FLT1: variants seen among roughly 807,000 people sequenced by gnomAD.
The protein encoded by FLT1 is fms related receptor tyrosine kinase 1, also known as vascular endothelial growth factor receptor 1.
A neutral mutation model predicts 156.3 loss-of-function variants in FLT1; 49 were observed. That is an observed-to-expected ratio of 0.31 (90% CI 0.25 to 0.40). FLT1 has a LOEUF of 0.40. Ranked by LOEUF, FLT1 falls within the 10% of genes least tolerant of loss-of-function variation. The pLI, the probability that FLT1 is intolerant of heterozygous loss-of-function variation, is 1.00. For synonymous variants in FLT1, 594 were observed against 583.8 expected (o/e 1.02, Z -0.25); for missense variants, 1,322 against 1,637.2 (o/e 0.81, Z 3.32).
intron 20 of FLT1, among the ~76,000 whole-genome samples, 175 bp from the exon 21 acceptor site, chr13:28,323,121 T>G (rs1459476652): frequency 6.6e-6 from 1 of 152,074 alleles, no homozygotes; most frequent in Admixed American, 6.6e-5. Flanking sequence ...CCTCTGGAGT[T>G]GCAGAGTCTA....
intron 15 of FLT1, among the ~76,000 whole-genome samples, chr13:28,348,025 C>T (rs1025686363): frequency 6.6e-6 from 1 of 152,178 alleles, no homozygotes; most frequent in Non-Finnish European, 1.5e-5. Flanking sequence ...TTCCTATTGG[C>T]CATAGTCCCC....
At chr13:28,463,485 T>A (rs1360361927) in intron 3 of FLT1, among the ~76,000 whole-genome samples, 1 of 152,196 alleles carries the variant, frequency 6.6e-6, no homozygotes, top group Admixed American at 6.5e-5. Flanking sequence ...TTTCAAAAGA[T>A]GTGTTTACAT....
At chr13:28,386,892 G>T in intron 13 of FLT1, 1 of 1,046,922 alleles carries the variant, frequency 9.6e-7, no homozygotes, top group African/African-American at 1.7e-5. Flanking sequence ...AGCTTCCTCA[G>T]CACACTATTT....
intron 20 of FLT1, among the ~76,000 whole-genome samples, chr13:28,324,124 C>T (rs1871584241): frequency 6.6e-6 from 1 of 152,070 alleles, no homozygotes; most frequent in African/African-American, 2.4e-5. Context: ...CATGGGAAAC[C>T]AGAAAAGATT....
intron 9 of FLT1, 44 bp from the exon 10 acceptor site, chr13:28,427,362 T>C: frequency 1.3e-6 from 2 of 1,590,646 alleles, no homozygotes; most frequent in Non-Finnish European, 1.7e-6. Context: ...AGAGCAGTTC[T>C]AATGACTTTC....
intron 15 of FLT1, among the ~76,000 whole-genome samples, chr13:28,355,170 G>A (rs567784994): frequency 6.6e-6 from 1 of 152,314 alleles, no homozygotes; most frequent in East Asian, 1.9e-4. Context: ...ATATTCTGAG[G>A]TATACGTGGA....
At chr13:28,309,473 T>A (rs1566278499) in intron 27 of FLT1, among the ~76,000 whole-genome samples, 1 of 152,148 alleles carries the variant, frequency 6.6e-6, no homozygotes, top group Non-Finnish European at 1.5e-5. Flanking sequence ...TTGTTGATGA[T>A]GTATTAGGAA....
At chr13:28,458,379 T>C (rs935210077) in intron 3 of FLT1, among the ~76,000 whole-genome samples, 1 of 152,244 alleles carries the variant, frequency 6.6e-6, no homozygotes, top group African/African-American at 2.4e-5. Flanking sequence ...GCGTCGTTGC[T>C]AGTAAGTCTT....
At chr13:28,453,375 G>A (rs377018978) in intron 3 of FLT1, among the ~76,000 whole-genome samples, 15 of 151,970 alleles carry the variant, frequency 9.9e-5, no homozygotes, top group African/African-American at 3.4e-4. Context: ...TACCTGCCTC[G>A]GCCTCCCCAA....
In FLT1 at chr13:28,427,909, C is replaced by G. The variant is rs2137540659; in HGVS notation, c.1119G>C (p.Gly373=). The change falls in exon 9 of 30, where the codon GGG becomes GGC. Residue 373 remains glycine, a synonymous_variant. Coordinates refer to ENST00000282397, the MANE Select transcript of FLT1 (RefSeq NM_002019.4). ...GAGCAGATTTCTCAGTCGCAGGTAACCCATCTTTTAACCTGTGGTTAAAAA... is the reference window on the plus strand; with the variant it reads ...GAGCAGATTTCTCAGTCGCAGGTAAGCCATCTTTTAACCTGTGGTTAAAAA... The part of the protein sequence containing the change: ...PSPEVVWLKD[G]LPATEKSARY... 6.2e-7 allele frequency: 1 copy of G among 1,613,776 alleles called. No homozygotes were observed. Among genetic ancestry groups the G allele is most frequent in the Non-Finnish European group, 8.5e-7 (1 of 1,179,768 alleles).
chr13:28,360,475 G>A (rs539686090), intron 14 of FLT1, among the ~76,000 whole-genome samples: 1 of 152,190 alleles, frequency 6.6e-6, no homozygotes, highest in Non-Finnish European at 1.5e-5. Context: ...TTAAAATTTG[G>A]TGTATATATA....
At chr13:28,354,423 G>T in intron 15 of FLT1, among the ~76,000 whole-genome samples, 1 of 152,026 alleles carries the variant, frequency 6.6e-6, no homozygotes, top group East Asian at 1.9e-4. Flanking sequence ...ATCTTTTCTG[G>T]TGTGTCAAAG....
intron 13 of FLT1, chr13:28,387,932 C>T: frequency 9.4e-7 from 1 of 1,061,120 alleles, no homozygotes; most frequent in Non-Finnish European, 1.1e-6. Flanking sequence ...CTAACATCCT[C>T]CCCTCCCCAC....
intron 14 of FLT1, among the ~76,000 whole-genome samples, chr13:28,365,500 C>T (rs1244219103): frequency 1.3e-5 from 2 of 152,042 alleles, no homozygotes; most frequent in African/African-American, 4.8e-5. Context: ...TACAGGTGTG[C>T]ACCACCAAGC....
Position 28,303,326 on chromosome 13 carries a change from A to G in FLT1, c.3858T>C (p.Asp1286=). 1 of 1,614,174 alleles carries G rather than the reference A, an allele frequency of 6.2e-7. No homozygotes were observed. Among genetic ancestry groups the G allele is most frequent in the Non-Finnish European group, 8.5e-7 (1 of 1,180,030 alleles). ...AATGGCAGAAACTGGGCCTGCTGAC[A>G]TCAGACAGCCCCGACTCCTTACTTT... ...TSKSKESGLS[D]VSRPSFCHSS... is the part of the protein sequence containing the mutation. The change falls in exon 30 of 30, where the codon GAT becomes GAC. Residue 1286 remains aspartate, a synonymous_variant. Transcript: ENST00000282397.
Position 28,372,447 on chromosome 13 carries a change from T to C in FLT1, c.2116+12438A>G, listed in dbSNP as rs139609489. 5.8e-3 allele frequency among the ~76,000 whole-genome samples: 875 copies of C among 150,938 alleles called. 1 individual carries two copies. The highest frequency in any genetic ancestry group is 9.1e-3 in the Non-Finnish European group (619 of 67,706). On this transcript the variant is annotated intron_variant, in intron 14 of 29. Coordinates refer to ENST00000282397, the MANE Select transcript of FLT1 (RefSeq NM_002019.4). ...TATAGGTTAAAAAATGGAAAAAACATTGACAAGATACATATCAAACAGTTA... is the reference window on the plus strand; with the variant it reads ...TATAGGTTAAAAAATGGAAAAAACACTGACAAGATACATATCAAACAGTTA...
intron 14 of FLT1, among the ~76,000 whole-genome samples, chr13:28,366,639 T>G (rs1232467700): frequency 6.6e-6 from 1 of 151,874 alleles, no homozygotes; most frequent in Non-Finnish European, 1.5e-5. Flanking sequence ...CCGGCTAATT[T>G]TTTGTATTTT....
chr13:28,326,637 T>A (rs1431388041), intron 20 of FLT1, among the ~76,000 whole-genome samples: 1 of 149,540 alleles, frequency 6.7e-6, no homozygotes, highest in Non-Finnish European at 1.5e-5. Flanking sequence ...GCGATTCTCC[T>A]GCCTCAGCCT....
chr13:28,475,514 A>G (rs1182590458), intron 1 of FLT1, among the ~76,000 whole-genome samples: 1 of 152,204 alleles, frequency 6.6e-6, no homozygotes, highest in Admixed American at 6.5e-5. Context: ...ATAATTCACA[A>G]TAAGAGAAAA....
Sources: gnomAD v4.1 joint callset for allele counts (sites outside exome capture counted in the v4.1 genomes callset) on GRCh38, gnomAD v4.1.1 for gene constraint, MANE v1.5 for transcripts, NCBI Gene and HGNC (gene_info 2026-07-23, HGNC 2026-07-21) for gene names.